The following NBN variants were observed in gnomAD, a reference collection of about 807,000 sequenced individuals.
NBN encodes the protein Nijmegen breakage syndrome 1 (nibrin).
Under a neutral mutation model 90.8 loss-of-function variants are expected in NBN, and 88 were observed. That is an observed-to-expected ratio of 0.97 (90% CI 0.82 to 1.16). The LOEUF is 1.16. NBN is among the 50% of genes most tolerant of loss of function. The pLI, the probability that NBN is intolerant of heterozygous loss-of-function variation, is 0.00. For missense variants in NBN, 894 were observed against 869.6 expected, an observed-to-expected ratio of 1.03 and a Z score of -0.35; for synonymous variants, 328 against 295.1, an observed-to-expected ratio of 1.11 and a Z score of -1.14.
intron 14 of NBN, among the ~76,000 whole-genome samples, chr8:89,940,625 GAA>G (rs34788524): frequency 5.9e-5 from 8 of 135,858 alleles, no homozygotes; most frequent in African/African-American, 1.9e-4. Context: ...TCTACTAGAG[GAA>G]AAAAAAAAAA....
At chr8:89,960,897 G>C (rs1403424092) in intron 8 of NBN, among the ~76,000 whole-genome samples, 1 of 152,152 alleles carries the variant, frequency 6.6e-6, no homozygotes, top group Non-Finnish European at 1.5e-5. Context: ...CATTCACTCT[G>C]TTCCCCCAAA....
intron 7 of NBN, among the ~76,000 whole-genome samples, chr8:89,969,332 T>C (rs895079569): frequency 9.2e-5 from 14 of 152,264 alleles, no homozygotes; most frequent in Non-Finnish European, 1.9e-4. Context: ...TTTGTCTGCT[T>C]TCCCATAATA....
chr8:89,953,543 T>A lies in NBN; in HGVS notation c.1546A>T (p.Thr516Ser). The change falls in exon 11 of 16, where the codon ACA (threonine) becomes TCA (serine). Residue 516 changes from threonine to serine, a missense_variant. Physicochemically the swap from Thr to Ser is moderately conservative, Grantham distance 58. Coordinates refer to ENST00000265433, the MANE Select transcript of NBN (RefSeq NM_002485.5). The stretch of plus-strand genomic sequence containing the variant: ...GTAAATAAGTTATTGTCTGAGTTTG[T>A]GTCCACAGGCTCATTCTCAGATAGA... The part of the protein sequence containing the change: ...QHLSENEPVD[T>S]NSDNNLFTDT... 1 of 1,613,888 alleles carries A rather than the reference T, an allele frequency of 6.2e-7. No homozygotes were observed. Among genetic ancestry groups the A allele is most frequent in the Non-Finnish European group, 8.5e-7 (1 of 1,179,862 alleles).
chr8:89,971,305 A>G lies in NBN; in HGVS notation c.585-15T>C, dbSNP rs746465355. The G allele has an allele frequency of 3.1e-6, 5 of 1,600,738 alleles. No individual in the cohort carries two copies. The highest frequency in any genetic ancestry group is 2.7e-5 in the African/African-American group (2 of 74,388). On this transcript the variant is annotated splice_polypyrimidine_tract_variant and intron_variant, in intron 5 of 15. Transcript: ENST00000265433. The stretch of plus-strand genomic sequence containing the variant: ...GTGGGTAAAAACTGTAAAAATAATT[A>G]AAGTATATTCTAATTATATACTACT...
chr8:89,936,776 C>T (rs1021968582), intron 15 of NBN, among the ~76,000 whole-genome samples: 11 of 152,148 alleles, frequency 7.2e-5, no homozygotes, highest in Non-Finnish European at 1.0e-4. Context: ...TCACACAATT[C>T]GGGAACCGTC....
rs1379391560 is a variant in NBN, at chr8:89,949,964, T to C, written c.1846-2072A>G. 2.0e-5 allele frequency among the ~76,000 whole-genome samples: 3 copies of C among 152,028 alleles called. No homozygotes were observed. The East Asian group carries it at 5.8e-4, about 29-fold the overall frequency. ...TAATTTAAAACAACCCCACATTGAG[T>C]AAGGTTGATGGATTTTATCAATGTC... On this transcript the variant is annotated intron_variant, in intron 11 of 15. Transcript: ENST00000265433.
At chr8:89,956,888 G>T (rs564604198) in intron 9 of NBN, among the ~76,000 whole-genome samples, 2 of 152,276 alleles carry the variant, frequency 1.3e-5, no homozygotes, top group East Asian at 3.9e-4. Flanking sequence ...CTGAAAAATT[G>T]CTATCACCTA....
Position 89,935,610 on chromosome 8 carries a change from T to A in NBN, c.2237A>T (p.Tyr746Phe). ...TCTTCTCCTTTTTAAATAAGGATTG[T>A]ATCTGCAAAGAAAGAAATGGGGTTA... ...EESLADDLFR[Y>F]NPYLKRRR The change falls in exon 16 of 16, where the codon TAC (tyrosine) becomes TTC (phenylalanine). Residue 746 changes from tyrosine to phenylalanine, a missense_variant and splice_region_variant. By Grantham distance (22) the Tyr-to-Phe change is conservative (BLOSUM62 3). Transcript: ENST00000265433. 3 of 1,608,032 alleles carry A rather than the reference T, an allele frequency of 1.9e-6. No homozygotes were observed. The highest frequency in any genetic ancestry group is 1.3e-5 in the African/African-American group (1 of 74,870).
At chr8:89,973,919 TTA>T (rs1421202382) in intron 5 of NBN, among the ~76,000 whole-genome samples, 11 of 152,186 alleles carry the variant, frequency 7.2e-5, no homozygotes, top group African/African-American at 2.4e-4. Flanking sequence ...CTACAAATAA[TTA>T]TGTTTTATTA....
At chr8:89,935,742 CA>C in intron 15 of NBN, 130 bp from the exon 16 acceptor site, 1 of 1,115,302 alleles carries the variant, frequency 9.0e-7, no homozygotes, top group Non-Finnish European at 1.3e-6. Flanking sequence ...TCCTTAGGAT[CA>C]GATACTAAGC....
chr8:89,978,850 G>A (rs1183430410), intron 4 of NBN, among the ~76,000 whole-genome samples: 1 of 151,726 alleles, frequency 6.6e-6, no homozygotes, highest in African/African-American at 2.4e-5. Flanking sequence ...CATATAAAGT[G>A]GAAAAAAAGA....
At chr8:89,973,153 T>A (rs1243942911) in intron 5 of NBN, among the ~76,000 whole-genome samples, 1 of 152,246 alleles carries the variant, frequency 6.6e-6, no homozygotes, top group Non-Finnish European at 1.5e-5. Flanking sequence ...GGGCAGAAAC[T>A]GTAACTTTTT....
At chr8:89,980,496 T>A (rs1342796055) in intron 4 of NBN, among the ~76,000 whole-genome samples, 1 of 152,058 alleles carries the variant, frequency 6.6e-6, no homozygotes, top group Non-Finnish European at 1.5e-5. Flanking sequence ...CTTTTTAAAA[T>A]GCTAAACAAA....
chr8:89,964,367 T>C (rs777111845), intron 8 of NBN, 43 bp downstream of exon 8: 1 of 1,605,534 alleles, frequency 6.2e-7, no homozygotes, highest in Admixed American at 1.7e-5. Flanking sequence ...TCGATTTACA[T>C]AATAAAGTTG....
In NBN at chr8:89,971,068, A is replaced by T; in HGVS notation, c.702+105T>A. ...TTTTTATTCTACTTCACACTTTTAC[A>T]CAAAATCCCAAAATGAAATACGTTA... is the stretch of plus-strand genomic sequence containing the variant. On this transcript the variant is annotated intron_variant, in intron 6 of 15. Coordinates refer to ENST00000265433, the MANE Select transcript of NBN (RefSeq NM_002485.5). The T allele has an allele frequency of 3.1e-6, 4 of 1,301,736 alleles. No homozygotes were observed. The South Asian group carries it at 5.1e-5, about 17-fold the overall frequency. 80.6% of individuals were successfully genotyped at this position (1,301,736 alleles called of 1,614,324 possible).
rs1200264229 is a variant in NBN at position 89,935,102 on chromosome 8, A to C, written c.*480T>G. 4.3e-6 allele frequency: 1 copy of C among 233,976 alleles called. No individual in the cohort carries two copies. Among genetic ancestry groups the C allele is most frequent in the Non-Finnish European group, 8.4e-6 (1 of 118,852 alleles). The allele number at this position is 233,976 out of a possible 1,614,324, so 14.5% of individuals were successfully genotyped here. A position where few individuals can be genotyped will look rare whatever the true frequency, so the allele number is the denominator to read the frequency against. On this transcript the variant is annotated 3_prime_UTR_variant, in exon 16 of 16. Coordinates refer to ENST00000265433, the MANE Select transcript of NBN (RefSeq NM_002485.5). ...TTATATTGATATTCCTATAATTTTTAATCTACTAAGTAAAAAAGCAAGGTG... is the reference window on the plus strand; with the variant it reads ...TTATATTGATATTCCTATAATTTTTCATCTACTAAGTAAAAAAGCAAGGTG...
chr8:89,934,255 T>C lies in NBN; in HGVS notation c.*1327A>G, dbSNP rs926315159. On this transcript the variant is annotated 3_prime_UTR_variant, in exon 16 of 16. Coordinates refer to ENST00000265433, the MANE Select transcript of NBN (RefSeq NM_002485.5). Reference sequence around the variant, plus strand: ...TCAATTCTACTTCTAAAGTATCCCATGTTCTATCCAATGTCATACCACTAT... The same window carrying C: ...TCAATTCTACTTCTAAAGTATCCCACGTTCTATCCAATGTCATACCACTAT... The C allele has an allele frequency of 4.3e-6, 1 of 231,992 alleles. No individual in the cohort carries two copies. Among genetic ancestry groups the C allele is most frequent in the Non-Finnish European group, 8.5e-6 (1 of 117,364 alleles). The allele number at this position is 231,992 out of a possible 1,614,324, so 14.4% of individuals were successfully genotyped here. A position where few individuals can be genotyped will look rare whatever the true frequency, so the allele number is the denominator to read the frequency against.
At chr8:89,965,648 C>A (rs1240788998) in intron 7 of NBN, among the ~76,000 whole-genome samples, 1 of 152,072 alleles carries the variant, frequency 6.6e-6, no homozygotes, top group Admixed American at 6.6e-5. Flanking sequence ...CACCAACACA[C>A]CCAGCTAATT....
chr8:89,982,945 T>A, intron 1 of NBN, 90 bp from the exon 2 acceptor site: 1 of 1,299,214 alleles, frequency 7.7e-7, no homozygotes, highest in Non-Finnish European at 1.1e-6. Context: ...GTATATGATA[T>A]AGGTATGACA....
Sources: allele counts gnomAD v4.1 joint callset (sites outside exome capture counted in the v4.1 genomes callset), GRCh38; gene constraint gnomAD v4.1.1; transcripts MANE v1.5; gene names NCBI Gene and HGNC (gene_info 2026-07-23, HGNC 2026-07-21).